The following ARID3C variants were observed in gnomAD, a reference collection of about 807,000 sequenced individuals.
The protein encoded by ARID3C is AT-rich interactive domain-containing protein 3C.
A neutral mutation model predicts 37.9 loss-of-function variants in ARID3C; 42 were observed. The observed-to-expected ratio is 1.11, with a 90% CI of 0.87 to 1.43. The LOEUF is 1.43. Among genes scored for constraint, ARID3C ranks in the 40% most tolerant of loss-of-function variants. The pLI, the probability that ARID3C is intolerant of heterozygous loss-of-function variation, is 0.00. For missense variants in ARID3C, 581 were observed against 548.8 expected (o/e 1.06, Z -0.59); for synonymous variants, 213 against 228.0 (o/e 0.93, Z 0.59).
At chr9:34,623,486 A>T in exon 4 of ARID3C, 3 of 1,544,480 alleles carry the variant, frequency 1.9e-6, no homozygotes, top group Non-Finnish European at 2.6e-6. Context: ...CGGAGGTGGA[A>T]CCCTGGGCTG....
At chr9:34,630,521 C>T (rs186225258), upstream of ARID3C, among the ~76,000 whole-genome samples, 36 of 152,256 alleles carry the variant, frequency 2.4e-4, no homozygotes, top group Non-Finnish European at 3.1e-4. Flanking sequence ...GACCTCACAC[C>T]CCCAGAAGGC....
chr9:34,621,777 A>G (rs1820566967), intron 6 of ARID3C, among the ~76,000 whole-genome samples: 1 of 152,166 alleles, frequency 6.6e-6, no homozygotes, highest in Non-Finnish European at 1.5e-5. Context: ...TTATGCTGAT[A>G]CATAGGCCCA....
At chr9:34,627,649 AAG>A (rs1267576674) in intron 1 of ARID3C, 46 bp downstream of exon 2, 2 of 1,523,494 alleles carry the variant, frequency 1.3e-6, no homozygotes, top group Non-Finnish European at 1.8e-6. Flanking sequence ...CTTTTGCCAG[AAG>A]AGAGAGATAG....
At chr9:34,629,996 C>T (rs1820709106), upstream of ARID3C, among the ~76,000 whole-genome samples, 1 of 152,124 alleles carries the variant, frequency 6.6e-6, no homozygotes, top group Non-Finnish European at 1.5e-5. Context: ...CTCCTGACCT[C>T]AAGTGATCCA....
At chr9:34,629,346 G>T (rs1386197026), upstream of ARID3C, among the ~76,000 whole-genome samples, 3 of 152,214 alleles carry the variant, frequency 2.0e-5, no homozygotes, top group Non-Finnish European at 4.4e-5. Flanking sequence ...ACAAATAGCC[G>T]CATCCACACA....
At chr9:34,621,939 A>C in intron 6 of ARID3C, 81 bp downstream of exon 7, 1 of 1,345,372 alleles carries the variant, frequency 7.4e-7, no homozygotes, top group Non-Finnish European at 1.1e-6. Flanking sequence ...ACTTCATGCT[A>C]GTAGAGGAAG....
At chr9:34,624,031 G>A in exon 3 of ARID3C, 1 of 1,593,596 alleles carries the variant, frequency 6.3e-7, no homozygotes, top group African/African-American at 1.3e-5. Context: ...TGATGGGCAC[G>A]CGGTTCACTG....
At chr9:34,632,504 G>A (rs1213679682), upstream of ARID3C, among the ~76,000 whole-genome samples, 2 of 152,148 alleles carry the variant, frequency 1.3e-5, no homozygotes, top group African/African-American at 4.8e-5. Context: ...ACTGGCTGCT[G>A]CGTGGAGAAC....
chr9:34,631,692 G>A (rs1820724504), upstream of ARID3C, among the ~76,000 whole-genome samples: 2 of 152,186 alleles, frequency 1.3e-5, no homozygotes, highest in Non-Finnish European at 2.9e-5. Flanking sequence ...ACCTATTGCT[G>A]TGTAACAAAT....
At chr9:34,630,634 T>TTCTGACCATGGTGGG (rs1270926158), upstream of ARID3C, among the ~76,000 whole-genome samples, 2 of 152,086 alleles carry the variant, frequency 1.3e-5, no homozygotes, top group African/African-American at 4.8e-5. Flanking sequence ...CCACCGGCTC[T>TTCTGACCATGGTGGG]TCTGACCATG....
intron 1 of ARID3C, 88 bp downstream of exon 2, chr9:34,627,609 G>A: frequency 8.2e-7 from 1 of 1,218,352 alleles, no homozygotes; most frequent in South Asian, 1.5e-5. Flanking sequence ...GGGTGGTGGG[G>A]GTGGGTGGGC....
chr9:34,628,026 G>A lies in ARID3C; in HGVS notation c.-12C>T, dbSNP rs781559896. The A allele has an allele frequency of 2.2e-5, 33 of 1,467,688 alleles. No homozygotes were observed. Among genetic ancestry groups the A allele is most frequent in the Non-Finnish European group, 2.9e-5 (32 of 1,108,816 alleles). The allele number at this position is 1,467,688 out of a possible 1,614,324, so 90.9% of individuals were successfully genotyped here. A position where few individuals can be genotyped will look rare whatever the true frequency, so the allele number is the denominator to read the frequency against. On this transcript the variant is annotated 5_prime_UTR_variant, in exon 1 of 7. Coordinates refer to ENST00000378909, the Ensembl canonical transcript of ARID3C. The surrounding 1 kb of genome is among the most constrained non-coding windows in gnomAD (Gnocchi z 5.2). ...TGCAGGGCCTCCATGACAGCTTCCA[G>A]GCGCAGTCCCCCAGCTGAGGGGGTC...
In ARID3C at chr9:34,623,409, C is replaced by A; in HGVS notation, c.865+16G>T. On this transcript the variant is annotated intron_variant, in intron 4 of 6. Transcript: ENST00000378909. ...ACCTCAGAGACCCCGAAACCTCTAC[C>A]ATTCTCCCCTCGCACCTTTCTTAAT... 6.7e-7 allele frequency: 1 copy of A among 1,486,282 alleles called. No individual in the cohort carries two copies. The highest frequency in any genetic ancestry group is 2.4e-5 in the Admixed American group (1 of 41,166). The allele number at this position is 1,486,282 out of a possible 1,614,324, so 92.1% of individuals were successfully genotyped here.
At chr9:34,623,398 G>A (rs767248558) in intron 4 of ARID3C, 27 bp downstream of exon 5, 13 of 1,477,548 alleles carry the variant, frequency 8.8e-6, no homozygotes, top group Non-Finnish European at 1.1e-5. Flanking sequence ...CAGAGACCCC[G>A]AAACCTCTAC....
upstream of ARID3C, among the ~76,000 whole-genome samples, chr9:34,630,047 G>GCTAC (rs1820709562): frequency 6.6e-6 from 1 of 152,162 alleles, no homozygotes; most frequent in Non-Finnish European, 1.5e-5. Context: ...ACAGGCATGA[G>GCTAC]CTACCGTACC....
exon 1 of ARID3C, chr9:34,627,805 C>T (rs2132315129): frequency 1.2e-6 from 2 of 1,613,924 alleles, no homozygotes; most frequent in Non-Finnish European, 1.7e-6. Context: ...CAGCTGCCTC[C>T]TCCTCTGCCC....
At position 34,622,181 on chromosome 9, in the gene ARID3C, C is replaced by T. The variant is rs1820578191; in HGVS notation, c.1049-72G>A. On this transcript the variant is annotated intron_variant, in intron 5 of 6. Coordinates refer to ENST00000378909, the Ensembl canonical transcript of ARID3C. Reference sequence around the variant, plus strand: ...CTGACTTATTAATAGAATTTCCCCCCTCCATCCCCGTAGACAGCCCCCATT... The same window carrying T: ...CTGACTTATTAATAGAATTTCCCCCTTCCATCCCCGTAGACAGCCCCCATT... 5.0e-6 allele frequency: 8 copies of T among 1,595,184 alleles called. No homozygotes were observed. In the East Asian group the frequency reaches 1.8e-4, roughly 36 times the overall value.
chr9:34,627,777 C>G (rs934875477), exon 1 of ARID3C: 1 of 1,614,126 alleles, frequency 6.2e-7, no homozygotes, highest in Admixed American at 1.7e-5. Context: ...GGGCCCTGGG[C>G]CCCTGGACGG....
upstream of ARID3C, among the ~76,000 whole-genome samples, chr9:34,631,466 C>A (rs748198897): frequency 3.9e-5 from 6 of 152,168 alleles, no homozygotes; most frequent in Admixed American, 6.5e-5. Context: ...CGGAGACAGA[C>A]CTAGACCTTC....
Sources: gnomAD v4.1 joint callset for allele counts (sites outside exome capture counted in the v4.1 genomes callset) on GRCh38, gnomAD v4.1.1 for gene constraint, Gnocchi (gnomAD v3.1) non-coding constraint, MANE v1.5 for transcripts, NCBI Gene and HGNC (gene_info 2026-07-23, HGNC 2026-07-21) for gene names.